Variants in FSTL5 observed in about 807,000 individuals in gnomAD.
The protein encoded by FSTL5 is follistatin-related protein 5.
Under a neutral mutation model 89.1 loss-of-function variants are expected in FSTL5, and 62 were observed. That is an observed-to-expected ratio of 0.70 (90% CI 0.57 to 0.86). FSTL5 has a LOEUF of 0.86. Ranked by LOEUF, FSTL5 falls within the 40% of genes least tolerant of loss-of-function variation. The pLI, the probability that FSTL5 is intolerant of heterozygous loss-of-function variation, is 0.00. For missense variants in FSTL5, 1,057 were observed against 1,001.6 expected (o/e 1.06, Z -0.75); for synonymous variants, 383 against 346.2 (o/e 1.11, Z -1.18).
intron 3 of FSTL5, among the ~76,000 whole-genome samples, chr4:161,981,418 C>T (rs2111049262): frequency 6.6e-6 from 1 of 152,226 alleles, no homozygotes; most frequent in East Asian, 1.9e-4. Flanking sequence ...TCTAGCAAAG[C>T]TCTGTGTTTT....
intron 3 of FSTL5, among the ~76,000 whole-genome samples, chr4:162,001,463 A>C (rs975566942): frequency 6.6e-6 from 1 of 152,218 alleles, no homozygotes; most frequent in African/African-American, 2.4e-5. Flanking sequence ...ATTAGATGTT[A>C]GACAAATAAC....
chr4:161,706,555 C>T (rs1341634010), intron 6 of FSTL5, among the ~76,000 whole-genome samples: 3 of 151,994 alleles, frequency 2.0e-5, no homozygotes, highest in East Asian at 1.9e-4. Context: ...CTTAACAATC[C>T]GGAAAGGAAA....
chr4:161,421,809 T>G (rs1176454960), intron 15 of FSTL5, among the ~76,000 whole-genome samples: 2 of 152,150 alleles, frequency 1.3e-5, no homozygotes, highest in African/African-American at 4.8e-5. Context: ...GCATTGGTTT[T>G]CTACTGCCGT....
intron 5 of FSTL5, among the ~76,000 whole-genome samples, chr4:161,771,851 G>T (rs774267386): frequency 2.0e-5 from 3 of 152,072 alleles, no homozygotes; most frequent in Non-Finnish European, 4.4e-5. Flanking sequence ...ATATACATTT[G>T]CATTTTTTGT....
chr4:161,619,094 A>G (rs181244216), intron 7 of FSTL5, among the ~76,000 whole-genome samples: 2,469 of 152,296 alleles, frequency 0.016, 28 homozygotes, highest in Non-Finnish European at 0.024. Flanking sequence ...TGGGGAAAGG[A>G]TTCCCTATTT....
intron 4 of FSTL5, among the ~76,000 whole-genome samples, chr4:161,828,754 A>ATGTATGTAC (rs1730745977): frequency 1.3e-5 from 2 of 152,158 alleles, no homozygotes; most frequent in African/African-American, 4.8e-5. Context: ...AATTGAATAA[A>ATGTATGTAC]TGTATGTACT....
intron 2 of FSTL5, among the ~76,000 whole-genome samples, chr4:162,072,692 A>C (rs1481605805): frequency 1.3e-5 from 2 of 151,866 alleles, no homozygotes; most frequent in Non-Finnish European, 2.9e-5. Flanking sequence ...AAAATTTAAA[A>C]TGTGTGATGG....
In FSTL5 at chr4:161,455,124, A is replaced by G. The variant is rs1733308119; in HGVS notation, c.1721T>C (p.Ile574Thr). 2 of 1,605,500 alleles carry G rather than the reference A, an allele frequency of 1.2e-6. No individual in the cohort carries two copies. The highest frequency in any genetic ancestry group is 4.5e-5 in the East Asian group (2 of 44,562). Reference sequence around the variant, plus strand: ...AGGCACATTCCCACTGGCCAGGGTAATTACCTAAAGAGAACACACCTTGGT... The same window carrying G: ...AGGCACATTCCCACTGGCCAGGGTAGTTACCTAAAGAGAACACACCTTGGT... ...LEKTSPTLQV[I>T]TLASGNVPHH... Residue 574 changes from isoleucine to threonine, a missense_variant, in exon 15 of 16, where the codon ATT becomes ACT. Coordinates refer to ENST00000306100, the MANE Select transcript of FSTL5 (RefSeq NM_020116.5).
chr4:162,125,660 C>T (rs550051031), intron 1 of FSTL5, among the ~76,000 whole-genome samples: 69 of 152,096 alleles, frequency 4.5e-4, no homozygotes, highest in South Asian at 2.7e-3. Context: ...TTAGAATGAA[C>T]GCATACAGTC....
intron 4 of FSTL5, among the ~76,000 whole-genome samples, chr4:161,863,451 A>T (rs914352174): frequency 6.6e-6 from 1 of 152,204 alleles, no homozygotes; most frequent in Non-Finnish European, 1.5e-5. Context: ...GCAGCAGGAG[A>T]ATCAGTTTGT....
intron 12 of FSTL5, among the ~76,000 whole-genome samples, chr4:161,496,819 G>GATAGAGATAGAA (rs1250432064): frequency 1.3e-5 from 2 of 152,150 alleles, no homozygotes; most frequent in East Asian, 3.9e-4. Context: ...TAGAGATAGA[G>GATAGAGATAGAA]ATAGAGATAG....
intron 13 of FSTL5, among the ~76,000 whole-genome samples, chr4:161,467,874 A>G (rs566387414): frequency 2.0e-5 from 3 of 152,258 alleles, no homozygotes; most frequent in African/African-American, 7.2e-5. Context: ...TAAAAGATAA[A>G]TGTATGTATT....
At chr4:161,937,044 G>C (rs1734452321) in intron 3 of FSTL5, among the ~76,000 whole-genome samples, 2 of 152,130 alleles carry the variant, frequency 1.3e-5, no homozygotes, top group Non-Finnish European at 2.9e-5. Flanking sequence ...CCAGCATTAA[G>C]TAGGCATGTG....
intron 2 of FSTL5, among the ~76,000 whole-genome samples, chr4:162,088,064 T>C (rs938228640): frequency 6.6e-6 from 1 of 152,116 alleles, no homozygotes; most frequent in Non-Finnish European, 1.5e-5. Flanking sequence ...GCACTTTTAG[T>C]TAACTGCTAG....
At chr4:161,904,488 T>C (rs1733464282) in intron 4 of FSTL5, among the ~76,000 whole-genome samples, 2 of 152,036 alleles carry the variant, frequency 1.3e-5, no homozygotes, top group South Asian at 4.1e-4. Context: ...AGAATAAGAA[T>C]ACATACTATT....
intron 4 of FSTL5, among the ~76,000 whole-genome samples, chr4:161,792,177 C>T (rs1433053896): frequency 6.6e-6 from 1 of 152,142 alleles, no homozygotes; most frequent in African/African-American, 2.4e-5. Context: ...CGAGCCCAGG[C>T]ACTATCATAA....
intron 7 of FSTL5, among the ~76,000 whole-genome samples, chr4:161,594,354 TTCTTTTA>T (rs1284621952): frequency 6.6e-6 from 1 of 152,204 alleles, no homozygotes; most frequent in Non-Finnish European, 1.5e-5. Flanking sequence ...TTTCAGATAA[TTCTTTTA>T]AAATTTCTTT....
intron 6 of FSTL5, among the ~76,000 whole-genome samples, chr4:161,747,291 C>A (rs1353311206): frequency 6.6e-6 from 1 of 152,104 alleles, no homozygotes; most frequent in African/African-American, 2.4e-5. Flanking sequence ...ATAAAATATA[C>A]CACATTTATT....
rs552526518 is a variant in FSTL5, at chr4:162,122,454, T to C, written c.-16-11042A>G. Reference sequence around the variant, plus strand: ...ATTCTCATGATTTCACTTCATTTCCTAGTCATGGTCTTGTAGTTTCTTTTT... The same window carrying C: ...ATTCTCATGATTTCACTTCATTTCCCAGTCATGGTCTTGTAGTTTCTTTTT... On this transcript the variant is annotated intron_variant, in intron 1 of 15. Coordinates refer to ENST00000306100, the MANE Select transcript of FSTL5 (RefSeq NM_020116.5). Among the ~76,000 whole-genome samples, 4 of 152,136 alleles carry C rather than the reference T, an allele frequency of 2.6e-5. 1 individual carries two copies. Among genetic ancestry groups the C allele is most frequent in the South Asian group, 2.1e-4 (1 of 4,836 alleles).
Sources: gnomAD v4.1 joint callset for allele counts (sites outside exome capture counted in the v4.1 genomes callset) on GRCh38, gnomAD v4.1.1 for gene constraint, MANE v1.5 for transcripts, NCBI Gene and HGNC (gene_info 2026-07-23, HGNC 2026-07-21) for gene names.